The following SBF1 variants were observed in gnomAD, a reference collection of about 807,000 sequenced individuals.
The protein encoded by SBF1 is SET binding factor 1.
In SBF1, 65 loss-of-function variants were observed where a neutral mutation model predicts 215.8. The observed-to-expected ratio is 0.30, with a 90% CI of 0.25 to 0.37. The LOEUF is 0.37. SBF1 is among the 10% of genes least tolerant of loss of function. The probability of loss-of-function intolerance (pLI) is 1.00; values close to 1 mark genes in which losing one functional copy is unlikely to be tolerated. For missense variants in SBF1, 2,634 were observed against 2,667.8 expected (o/e 0.99, Z 0.28); for synonymous variants, 1,410 against 1,122.8 (o/e 1.26, Z -5.11).
chr22:50,474,696 G>C, intron 1 of SBF1, 90 bp downstream of exon 1: 17 of 854,078 alleles, frequency 2.0e-5, no homozygotes, highest in Admixed American at 3.4e-5. Flanking sequence ...TCGGCCCCCA[G>C]CCCCCGGCCC....
intron 36 of SBF1, among the ~76,000 whole-genome samples, chr22:50,453,041 C>CTTAA (rs2067109984): frequency 6.6e-6 from 1 of 152,092 alleles, no homozygotes; most frequent in Non-Finnish European, 1.5e-5. Context: ...AGATGACAGA[C>CTTAA]TTAAACCCAG....
intron 2 of SBF1, 135 bp downstream of exon 2, chr22:50,468,241 G>A: frequency 1.2e-6 from 1 of 820,752 alleles, no homozygotes; most frequent in Non-Finnish European, 1.9e-6. Context: ...CCCCCCGACA[G>A]AGGCTCTGCT....
rs1370504776 is a variant in SBF1, at chr22:50,446,609, C to G, written c.*533G>C. ...GGAATCAAGCAAGTCCCCAGTGAAG[C>G]CTCCTGCTCGATCCGCCCCCAGAGC... is the stretch of plus-strand genomic sequence containing the variant. On this transcript the variant is annotated 3_prime_UTR_variant, in exon 41 of 41. Coordinates refer to ENST00000380817, the MANE Select transcript of SBF1 (RefSeq NM_002972.4). The G allele has an allele frequency of 2.9e-6, 1 of 342,988 alleles. No individual in the cohort carries two copies. The highest frequency in any genetic ancestry group is 7.7e-5 in the East Asian group (1 of 12,954). The allele number at this position is 342,988 out of a possible 1,614,324, so 21.2% of individuals were successfully genotyped here.
intron 28 of SBF1, 41 bp from the exon 29 acceptor site, chr22:50,457,152 G>A (rs1354917331): frequency 7.0e-7 from 1 of 1,420,314 alleles, no homozygotes; most frequent in Non-Finnish European, 9.2e-7. Context: ...CTAGCCCCAG[G>A]CCTGGGCGTG....
intron 38 of SBF1, 59 bp downstream of exon 38, chr22:50,448,174 T>A (rs1460251762): frequency 3.2e-6 from 5 of 1,544,430 alleles, no homozygotes; most frequent in Non-Finnish European, 4.4e-6. Context: ...GAGGACTGCC[T>A]GGGACCCCAG....
intron 1 of SBF1, among the ~76,000 whole-genome samples, chr22:50,469,052 G>C (rs1034092453): frequency 6.6e-6 from 1 of 152,198 alleles, no homozygotes; most frequent in South Asian, 2.1e-4. Flanking sequence ...GATGGGGTTT[G>C]GCAGCTCCCT....
At chr22:50,461,338 TC>T in intron 22 of SBF1, 52 bp from the exon 23 acceptor site, 2 of 1,330,598 alleles carry the variant, frequency 1.5e-6, no homozygotes, top group Non-Finnish European at 9.8e-7. Context: ...GGGGGGGGGG[TC>T]CCAGAATCTC....
At position 50,448,432 on chromosome 22, in the gene SBF1, A is replaced by C. The variant is rs1315643444; in HGVS notation, c.5164T>G (p.Ser1722Ala). Residue 1722 changes from serine to alanine, a missense_variant, in exon 38 of 41, where the codon TCC becomes GCC. Coordinates refer to ENST00000380817, the MANE Select transcript of SBF1 (RefSeq NM_002972.4). The part of the protein sequence containing the change: ...GRPDGRGTPS[S>A]LLVSTAPHHR... ...TGGGGTGCGGTGGACACAAGGAGGG[A>C]GCTAGGGGTGCCCTGGGAACAGGAG... is the stretch of plus-strand genomic sequence containing the variant. 2 of 1,613,560 alleles carry C rather than the reference A, an allele frequency of 1.2e-6. No individual in the cohort carries two copies. The highest frequency in any genetic ancestry group is 1.7e-6 in the Non-Finnish European group (2 of 1,179,930).
At position 50,466,705 on chromosome 22, in the gene SBF1, C is replaced by T. The variant is rs766198779; in HGVS notation, c.555G>A (p.Thr185=). ...TVPLAGGSQR[T]ISLGAGDRQV... ...GCCGGTCACCAGCCCCCAAAGAGAT[C>T]GTCCTCTGCAGCAAAAAAAGGATCG... Residue 185 remains threonine (T), a synonymous_variant, in exon 6 of 41, where the codon ACG becomes ACA. Coordinates refer to ENST00000380817, the MANE Select transcript of SBF1 (RefSeq NM_002972.4). 1.7e-5 allele frequency: 26 copies of T among 1,529,692 alleles called. No homozygotes were observed. The highest frequency in any genetic ancestry group is 2.8e-5 in the African/African-American group (2 of 72,320). 94.8% of individuals were successfully genotyped at this position (1,529,692 alleles called of 1,614,324 possible).
intron 35 of SBF1, 35 bp downstream of exon 35, chr22:50,454,779 C>A (rs763133473): frequency 6.2e-7 from 1 of 1,605,944 alleles, no homozygotes; most frequent in Non-Finnish European, 8.5e-7. Flanking sequence ...CTGGGTCGGG[C>A]AGGAGCCGCC....
chr22:50,446,975 C>CG lies in SBF1; in HGVS notation c.*166dup, dbSNP rs1556415406. ...CTGTGACGCCAAAATAAGTTAGGGC[C>CG]GGCCGGGCGGGGCGGGGCGGGGACG... On this transcript the variant is annotated 3_prime_UTR_variant, in exon 41 of 41. Transcript: ENST00000380817. 4.2e-6 allele frequency: 3 copies of CG among 719,400 alleles called. No individual in the cohort carries two copies. Among genetic ancestry groups the CG allele is most frequent in the African/African-American group, 3.6e-5 (2 of 55,948 alleles). 44.6% of individuals were successfully genotyped at this position (719,400 alleles called of 1,614,324 possible).
intron 17 of SBF1, 48 bp downstream of exon 17, chr22:50,462,822 C>T: frequency 1.2e-6 from 2 of 1,606,972 alleles, no homozygotes; most frequent in Non-Finnish European, 8.5e-7. Flanking sequence ...ACCTCAGCCA[C>T]CAGGAAGGGG....
chr22:50,465,311 C>G lies in SBF1; in HGVS notation c.1107G>C (p.Ala369=), dbSNP rs374854877. 1 of 1,596,558 alleles carries G rather than the reference C, an allele frequency of 6.3e-7. No individual in the cohort carries two copies. The highest frequency in any genetic ancestry group is 8.5e-7 in the Non-Finnish European group (1 of 1,172,530). The part of the protein sequence containing the change: ...SLKMQDKELR[A]VFLRLFAQLL... ...GCTGAGCGAACAGCCGCAGGAAGAC[C>G]GCGCGCAGCTCCTTGTCCTGGGAGA... Residue 369 remains alanine, a synonymous_variant, in exon 11 of 41, where the codon GCG becomes GCC. Coordinates refer to ENST00000380817, the MANE Select transcript of SBF1 (RefSeq NM_002972.4).
chr22:50,467,555 G>C lies in SBF1; in HGVS notation c.415C>G (p.Leu139Val). ...APKTLVLVSR[L>V]DHTEVFRNSL... is the part of the protein sequence containing the mutation. ...ACCCTGAACACCTCCGTGTGGTCGA[G>C]TCGCGACACCAGTACCAGCGTCTTC... The change falls in exon 4 of 41, where the codon CTC becomes GTC. Residue 139 changes from leucine to valine, a missense_variant. Coordinates refer to ENST00000380817, the MANE Select transcript of SBF1 (RefSeq NM_002972.4). 1 of 1,614,176 alleles carries C rather than the reference G, an allele frequency of 6.2e-7. No homozygotes were observed. Among genetic ancestry groups the C allele is most frequent in the East Asian group, 2.2e-5 (1 of 44,894 alleles).
chr22:50,447,425 G>A lies in SBF1; in HGVS notation c.5480C>T (p.Thr1827Ile), dbSNP rs1196548454. Reference sequence around the variant, plus strand: ...CAAGTCGATGACACCCTTGCACTCTGTGTCCACACGGTGGTCGTAGTAGCG... The same window carrying A: ...CAAGTCGATGACACCCTTGCACTCTATGTCCACACGGTGGTCGTAGTAGCG... ...QLRYYDHRVDTECKGVIDLAE... is the reference protein window; with the variant it reads ...QLRYYDHRVDIECKGVIDLAE... Residue 1827 changes from threonine (T) to isoleucine (I), a missense_variant, in exon 40 of 41, where the codon ACA becomes ATA. Thr to Ile is a moderately conservative substitution (Grantham distance 89, BLOSUM62 -1). Coordinates refer to ENST00000380817, the MANE Select transcript of SBF1 (RefSeq NM_002972.4). The A allele has an allele frequency of 1.2e-6, 2 of 1,613,820 alleles. No individual in the cohort carries two copies. Among genetic ancestry groups the A allele is most frequent in the African/African-American group, 1.3e-5 (1 of 74,920 alleles).
intron 28 of SBF1, 150 bp downstream of exon 28, chr22:50,459,105 G>A (rs755399283): frequency 1.3e-4 from 158 of 1,214,416 alleles, no homozygotes; most frequent in Admixed American, 8.4e-5. Context: ...CCTGCCCCAC[G>A]GCACCCGGAG....
intron 15 of SBF1, 33 bp downstream of exon 15, chr22:50,464,296 C>T (rs2148595881): frequency 6.4e-7 from 1 of 1,567,374 alleles, no homozygotes; most frequent in Middle Eastern, 1.7e-4. Flanking sequence ...AAACCCGCTG[C>T]CCTGGCCCGG....
intron 36 of SBF1, among the ~76,000 whole-genome samples, chr22:50,452,745 A>AC (rs1403034466): frequency 2.0e-5 from 3 of 151,102 alleles, no homozygotes; most frequent in East Asian, 3.9e-4. Context: ...AAAAAAAAAA[A>AC]AAAAAACCAT....
Position 50,465,051 on chromosome 22 carries a change from A to G in SBF1, c.1282T>C (p.Phe428Leu). The change falls in exon 12 of 41, where the codon TTT becomes CTT. Residue 428 changes from phenylalanine to leucine, a missense_variant. Phe to Leu is a conservative substitution (Grantham distance 22). Coordinates refer to ENST00000380817, the MANE Select transcript of SBF1 (RefSeq NM_002972.4). ...KVLEGMAFAG[F>L]VSERGVPYRP... Reference sequence around the variant, plus strand: ...TATGGGACCCCACGCTCTGACACAAAGCCAGCAAAGGCCATGCCCTCCAGC... The same window carrying G: ...TATGGGACCCCACGCTCTGACACAAGGCCAGCAAAGGCCATGCCCTCCAGC... 6.2e-7 allele frequency: 1 copy of G among 1,614,076 alleles called. No homozygotes were observed. The highest frequency in any genetic ancestry group is 8.5e-7 in the Non-Finnish European group (1 of 1,179,980).
Sources: allele counts gnomAD v4.1 joint callset (sites outside exome capture counted in the v4.1 genomes callset), GRCh38; gene constraint gnomAD v4.1.1; transcripts MANE v1.5; gene names NCBI Gene and HGNC (gene_info 2026-07-23, HGNC 2026-07-21).